Variants in FRMD4A observed in about 807,000 individuals in gnomAD.
The protein encoded by FRMD4A is FERM domain containing 4A.
Under a neutral mutation model 129.1 loss-of-function variants are expected in FRMD4A, and 29 were observed. That is an observed-to-expected ratio of 0.22 (90% confidence interval 0.17 to 0.31). The LOEUF (loss-of-function observed/expected upper bound fraction) is 0.31, where lower values mean the gene tolerates loss of function less well. Among genes scored for constraint, FRMD4A ranks in the 10% least tolerant of loss-of-function variants. The probability of loss-of-function intolerance (pLI) is 1.00; values close to 1 mark genes in which losing one functional copy is unlikely to be tolerated. For synonymous variants in FRMD4A, 634 were observed against 571.6 expected (o/e 1.11, Z -1.56); for missense variants, 1,272 against 1,375.8 (o/e 0.92, Z 1.19).
At position 13,796,510 on chromosome 10, in the gene FRMD4A, TA is replaced by T; in HGVS notation, c.284del (p.Leu95TyrfsTer9). Reference protein sequence around the residue: ...DFPKKSGPVVLYFCVRFYIES... With the variant: ...DFPKKSGPVVXYFCVRFYIES... The stretch of plus-strand genomic sequence containing the variant: ...GGTGTACATACCTGACACAAAAGTA[TA>T]AAACCACGGGTCCTGACTTTTTAGG... On this transcript the variant is annotated frameshift_variant, in exon 5 of 25. Transcript: ENST00000357447. LOFTEE classifies it high-confidence loss of function. 6.4e-7 allele frequency: 1 copy of T among 1,569,908 alleles called. No individual in the cohort carries two copies. Among genetic ancestry groups the T allele is most frequent in the Non-Finnish European group, 8.8e-7 (1 of 1,139,660 alleles).
intron 2 of FRMD4A, among the ~76,000 whole-genome samples, chr10:14,150,399 T>A (rs894300674): frequency 6.6e-6 from 1 of 152,246 alleles, no homozygotes; most frequent in Admixed American, 6.5e-5. Context: ...TATTTCCATT[T>A]ATAATGCAAA....
chr10:13,865,372 T>C (rs1484187059), intron 2 of FRMD4A, among the ~76,000 whole-genome samples: 1 of 151,908 alleles, frequency 6.6e-6, no homozygotes, highest in Non-Finnish European at 1.5e-5. Context: ...AGGAGGTAGA[T>C]ACTATCAGGC....
At chr10:13,706,366 CACCTGGGGCTCCCTGCATTCCA>C (rs1362534803) in intron 13 of FRMD4A, among the ~76,000 whole-genome samples, 1 of 152,138 alleles carries the variant, frequency 6.6e-6, no homozygotes, top group Non-Finnish European at 1.5e-5. Context: ...AGACCCCAGC[CACCTGGGGCTCCCTGCATTCCA>C]ACCTGGGGCC....
At chr10:13,945,888 C>A (rs1409434071) in intron 2 of FRMD4A, among the ~76,000 whole-genome samples, 2 of 152,158 alleles carry the variant, frequency 1.3e-5, no homozygotes, top group Admixed American at 1.3e-4. Flanking sequence ...AAGGAAGAAG[C>A]CAGACCAGGC....
At chr10:13,936,388 G>A (rs538479266) in intron 2 of FRMD4A, among the ~76,000 whole-genome samples, 1 of 152,274 alleles carries the variant, frequency 6.6e-6, no homozygotes, top group East Asian at 1.9e-4. Context: ...TGAAAAGAAT[G>A]GCTCTTTGCT....
intron 13 of FRMD4A, among the ~76,000 whole-genome samples, chr10:13,706,779 C>CAT (rs1554854732): frequency 6.6e-6 from 1 of 150,560 alleles, no homozygotes; most frequent in Non-Finnish European, 1.5e-5. Flanking sequence ...CACACACACA[C>CAT]GAGCCAGGGA....
intron 2 of FRMD4A, among the ~76,000 whole-genome samples, chr10:14,183,066 C>G (rs1841964483): frequency 6.6e-6 from 1 of 152,042 alleles, no homozygotes; most frequent in Non-Finnish European, 1.5e-5. Context: ...CTGACCCATG[C>G]TGAAAAAGCA....
intron 2 of FRMD4A, among the ~76,000 whole-genome samples, chr10:14,202,247 C>T (rs1842659446): frequency 6.6e-6 from 1 of 152,132 alleles, no homozygotes; most frequent in Non-Finnish European, 1.5e-5. Flanking sequence ...CAGAAGCCTT[C>T]CTGTCTGTGC....
intron 2 of FRMD4A, among the ~76,000 whole-genome samples, chr10:14,282,165 C>A (rs1845543355): frequency 1.3e-5 from 2 of 152,256 alleles, no homozygotes; most frequent in South Asian, 2.1e-4. Context: ...AGCCATAATT[C>A]AATTATCTCC....
At chr10:14,206,820 A>AAAAAAAAAAAAAAAAG (rs1429238276) in intron 2 of FRMD4A, among the ~76,000 whole-genome samples, 14 of 127,486 alleles carry the variant, frequency 1.1e-4, no homozygotes, top group South Asian at 5.1e-4. Context: ...AAAAAAAAAA[A>AAAAAAAAAAAAAAAAG]AGAGAGACAG....
Position 14,276,004 on chromosome 10 carries a change from C to T in FRMD4A, c.45+54054G>A, listed in dbSNP as rs530505023. Among the ~76,000 whole-genome samples, 4 of 152,292 alleles carry T rather than the reference C, an allele frequency of 2.6e-5. No homozygotes were observed. The South Asian group carries it at 8.3e-4, about 32-fold the overall frequency. On this transcript the variant is annotated intron_variant, in intron 2 of 24. Transcript: ENST00000357447. ...AGTGAGCTATGAATGTGCCACTGCT[C>T]TCCAGTCTGGACAACAAGGAAAGAC...
At chr10:14,014,301 G>A (rs755549199) in intron 2 of FRMD4A, among the ~76,000 whole-genome samples, 1 of 152,124 alleles carries the variant, frequency 6.6e-6, no homozygotes, top group Non-Finnish European at 1.5e-5. Context: ...ACCCTGACTC[G>A]ATTATTACAC....
intron 2 of FRMD4A, among the ~76,000 whole-genome samples, chr10:14,282,453 A>G (rs890349147): frequency 1.3e-5 from 2 of 152,208 alleles, no homozygotes; most frequent in Non-Finnish European, 2.9e-5. Flanking sequence ...TAATAAAATG[A>G]GTAATCGCCT....
chr10:13,916,598 CA>C (rs778006768), intron 2 of FRMD4A, among the ~76,000 whole-genome samples: 14 of 152,332 alleles, frequency 9.2e-5, no homozygotes, highest in Non-Finnish European at 1.9e-4. Context: ...CTCCAAGGCT[CA>C]GTAACTTGCC....
chr10:14,239,632 A>AATC (rs1843964423), intron 2 of FRMD4A, among the ~76,000 whole-genome samples: 2 of 148,942 alleles, frequency 1.3e-5, no homozygotes, highest in Admixed American at 1.3e-4. Context: ...GTCTCAAGAA[A>AATC]AAACAAACAA....
At chr10:13,895,620 G>A (rs1181271215) in intron 2 of FRMD4A, among the ~76,000 whole-genome samples, 1 of 152,172 alleles carries the variant, frequency 6.6e-6, no homozygotes, top group African/African-American at 2.4e-5. Context: ...ACAGAAATAG[G>A]TCGTGATGAC....
chr10:14,175,688 C>A (rs900985650), intron 2 of FRMD4A, among the ~76,000 whole-genome samples: 2 of 152,030 alleles, frequency 1.3e-5, no homozygotes. Context: ...CCATGCCCAA[C>A]TAATTTTTAA....
At chr10:13,884,242 T>G (rs1020278897) in intron 2 of FRMD4A, among the ~76,000 whole-genome samples, 1 of 128,986 alleles carries the variant, frequency 7.8e-6, no homozygotes, top group Non-Finnish European at 1.6e-5. Flanking sequence ...ACACACACAC[T>G]CCCTAAAAGG....
chr10:14,144,005 G>A (rs915599993), intron 2 of FRMD4A, among the ~76,000 whole-genome samples: 21 of 152,216 alleles, frequency 1.4e-4, no homozygotes, highest in African/African-American at 2.4e-4. Flanking sequence ...CTTTTCCACT[G>A]AGCTAGTACA....
Sources: allele counts gnomAD v4.1 joint callset (sites outside exome capture counted in the v4.1 genomes callset), GRCh38; gene constraint gnomAD v4.1.1; transcripts MANE v1.5; gene names NCBI Gene and HGNC (gene_info 2026-07-23, HGNC 2026-07-21).